SLC30A7: variants seen among roughly 807,000 people sequenced by gnomAD.
The protein encoded by SLC30A7 is zinc transporter 7.
Under a neutral mutation model 46.0 loss-of-function variants are expected in SLC30A7, and 35 were observed. The ratio of observed to expected loss-of-function variants is 0.76; its 90% CI spans 0.58 to 1.01. The LOEUF is 1.01. Among genes scored for constraint, SLC30A7 ranks in the 50% least tolerant of loss-of-function variants. The pLI is 0.00. For synonymous variants in SLC30A7, 147 were observed against 157.8 expected, an observed-to-expected ratio of 0.93 and a Z score of 0.51; for missense variants, 464 against 451.1, an observed-to-expected ratio of 1.03 and a Z score of -0.26.
intron 8 of SLC30A7, among the ~76,000 whole-genome samples, chr1:100,934,668 C>G (rs1653846143): frequency 6.8e-6 from 1 of 148,050 alleles, no homozygotes; most frequent in African/African-American, 2.5e-5. Flanking sequence ...ATATCAATAC[C>G]TATATATATA....
chr1:100,966,060 G>C, intron 10 of SLC30A7, 142 bp downstream of exon 10: 2 of 687,206 alleles, frequency 2.9e-6, no homozygotes, highest in Non-Finnish European at 4.7e-6. Flanking sequence ...GTGAGACCCC[G>C]TCTCTACAAA....
At chr1:100,898,409 G>C (rs1044274373) in intron 2 of SLC30A7, among the ~76,000 whole-genome samples, 1 of 152,090 alleles carries the variant, frequency 6.6e-6, no homozygotes, top group African/African-American at 2.4e-5. Context: ...AGTTGTAGTC[G>C]ACTTGTTCTT....
chr1:100,898,035 C>T (rs1051559199), intron 2 of SLC30A7, among the ~76,000 whole-genome samples: 2 of 151,212 alleles, frequency 1.3e-5, no homozygotes, highest in African/African-American at 2.5e-5. Context: ...CTAAATTATG[C>T]CAAATTAATT....
At chr1:100,929,088 T>G (rs1396862854) in intron 8 of SLC30A7, among the ~76,000 whole-genome samples, 33 of 133,042 alleles carry the variant, frequency 2.5e-4, no homozygotes, top group African/African-American at 8.3e-4. Context: ...AAACTATATA[T>G]AGAGAGTGTG....
chr1:100,918,050 G>C (rs757182067), intron 6 of SLC30A7, 27 bp from the exon 7 acceptor site: 1 of 1,591,726 alleles, frequency 6.3e-7, no homozygotes, highest in South Asian at 1.1e-5. Flanking sequence ...TTGAAAACAT[G>C]TTTTAAAATA....
chr1:100,994,430 A>G, the SLC30A7 span, among the ~76,000 whole-genome samples: 5 of 152,152 alleles, frequency 3.3e-5, no homozygotes. Flanking sequence ...TCTCTAAGTA[A>G]AAAAGGATTA....
At chr1:100,931,187 G>T (rs11579723) in intron 8 of SLC30A7, among the ~76,000 whole-genome samples, 16,156 of 152,126 alleles carry the variant, frequency 0.11, 923 homozygotes, top group Middle Eastern at 0.22. Context: ...AAATTCGGTA[G>T]TTTTTATTGA....
At chr1:100,971,568 A>G (rs1182585010) in intron 10 of SLC30A7, among the ~76,000 whole-genome samples, 1 of 152,156 alleles carries the variant, frequency 6.6e-6, no homozygotes, top group Non-Finnish European at 1.5e-5. Flanking sequence ...TGGTGGAAAT[A>G]ATAACAGCAC....
intron 8 of SLC30A7, among the ~76,000 whole-genome samples, chr1:100,944,741 A>G (rs567483756): frequency 6.1e-5 from 9 of 148,206 alleles, no homozygotes; most frequent in Non-Finnish European, 8.9e-5. Context: ...CAAGTCTGCT[A>G]TTGTGAATAG....
chr1:100,974,701 C>A, intron 10 of SLC30A7, 109 bp from the exon 11 acceptor site: 1 of 730,986 alleles, frequency 1.4e-6, no homozygotes. Context: ...TGATTCTTTT[C>A]TTTTTTTAAA....
At chr1:100,923,781 T>C (rs932124572) in intron 8 of SLC30A7, among the ~76,000 whole-genome samples, 1 of 152,194 alleles carries the variant, frequency 6.6e-6, no homozygotes, top group Admixed American at 6.5e-5. Context: ...CCTGTCTCTA[T>C]ATAAAAAGGA....
intron 10 of SLC30A7, among the ~76,000 whole-genome samples, chr1:100,966,133 C>A (rs1488961942): frequency 6.6e-6 from 1 of 151,322 alleles, no homozygotes; most frequent in Non-Finnish European, 1.5e-5. Flanking sequence ...GAGGCTGAGG[C>A]AGGAGGGTTG....
intron 8 of SLC30A7, among the ~76,000 whole-genome samples, chr1:100,932,978 CTTTTTTT>C (rs995801710): frequency 2.2e-5 from 3 of 138,092 alleles, no homozygotes; most frequent in Admixed American, 1.5e-4. Flanking sequence ...TTTCTTTTTT[CTTTTTTT>C]TTTTTTTTTG....
the SLC30A7 span, among the ~76,000 whole-genome samples, chr1:100,994,344 T>A: frequency 6.6e-6 from 1 of 152,078 alleles, no homozygotes; most frequent in African/African-American, 2.4e-5. Flanking sequence ...AAAAATTCAG[T>A]TCCTCAGTCA....
chr1:100,903,994 A>G (rs1010321049), intron 2 of SLC30A7, among the ~76,000 whole-genome samples: 1 of 152,166 alleles, frequency 6.6e-6, no homozygotes, highest in African/African-American at 2.4e-5. Flanking sequence ...TAGCAATAGG[A>G]ATATTAATGT....
chr1:100,995,223 A>C, the SLC30A7 span: 1 of 994,454 alleles, frequency 1.0e-6, no homozygotes, highest in Non-Finnish European at 1.5e-6. Context: ...AACCTCAGTT[A>C]AGAGTCACCT....
intron 8 of SLC30A7, among the ~76,000 whole-genome samples, chr1:100,953,066 G>T (rs1267900112): frequency 6.7e-6 from 1 of 149,780 alleles, no homozygotes; most frequent in African/African-American, 2.4e-5. Flanking sequence ...GAGATCTGAT[G>T]ATTTAAAAGT....
chr1:100,961,155 GT>G (rs1477696763), intron 8 of SLC30A7, among the ~76,000 whole-genome samples: 1 of 151,564 alleles, frequency 6.6e-6, no homozygotes, highest in Non-Finnish European at 1.5e-5. Context: ...TGGAGACGGG[GT>G]TTCACCGTGT....
chr1:100,949,227 C>T (rs1017063407), intron 8 of SLC30A7, among the ~76,000 whole-genome samples: 1 of 152,084 alleles, frequency 6.6e-6, no homozygotes, highest in African/African-American at 2.4e-5. Flanking sequence ...TGATGCTATG[C>T]CTTTCTGTTT....
Sources: allele counts gnomAD v4.1 joint callset (sites outside exome capture counted in the v4.1 genomes callset), GRCh38; gene constraint gnomAD v4.1.1; transcripts MANE v1.5; gene names NCBI Gene and HGNC (gene_info 2026-07-23, HGNC 2026-07-21).